HIVEP1: variants seen among roughly 807,000 people sequenced by gnomAD.
HIVEP1 encodes the protein HIVEP zinc finger 1, also known as zinc finger protein 40.
In HIVEP1, 36 loss-of-function variants were observed where a neutral mutation model predicts 180.0. The ratio of observed to expected loss-of-function variants is 0.20; its 90% CI spans 0.15 to 0.26. The LOEUF (loss-of-function observed/expected upper bound fraction) is 0.26. Ranked by LOEUF, HIVEP1 falls within the 10% of genes least tolerant of loss-of-function variation. The pLI is 1.00. For missense variants in HIVEP1, 3,143 were observed against 3,268.7 expected (o/e 0.96, Z 0.94); for synonymous variants, 1,239 against 1,239.0 (o/e 1.00, Z 0.00).
In HIVEP1 at chr6:12,042,228, C is replaced by T. The variant is rs577236984; in HGVS notation, c.40+26560C>T. On this transcript the variant is annotated intron_variant, in intron 2 of 8. Coordinates refer to ENST00000379388, the MANE Select transcript of HIVEP1 (RefSeq NM_002114.4). ...CCGAGTAGCTGGGACTACAGGCGCC[C>T]GCCACCGCGCCTGGCTAATTTTTTT... Among the ~76,000 whole-genome samples, 1,055 of 149,914 alleles carry T rather than the reference C, an allele frequency of 7.0e-3. 11 individuals are homozygous for T. The highest frequency in any genetic ancestry group is 0.01 in the Non-Finnish European group (698 of 67,680).
chr6:12,181,216 C>T, the HIVEP1 span, among the ~76,000 whole-genome samples: 3 of 151,608 alleles, frequency 2.0e-5, no homozygotes, highest in African/African-American at 4.8e-5. Context: ...AAAAATTAGC[C>T]GGGCATGGTG....
chr6:12,162,771 G>A (rs911488282), intron 8 of HIVEP1, among the ~76,000 whole-genome samples: 7 of 152,212 alleles, frequency 4.6e-5, no homozygotes, highest in African/African-American at 1.7e-4. Context: ...AAACTTGCAA[G>A]TGATAGACAA....
At chr6:12,204,292 A>AG in the HIVEP1 span, among the ~76,000 whole-genome samples, 3 of 145,872 alleles carry the variant, frequency 2.1e-5, no homozygotes, top group Admixed American at 2.1e-4. Flanking sequence ...GGCTCAGCCC[A>AG]GTTTTTCATC....
At chr6:12,172,320 T>A in the HIVEP1 span, among the ~76,000 whole-genome samples, 1 of 152,190 alleles carries the variant, frequency 6.6e-6, no homozygotes, top group African/African-American at 2.4e-5. Flanking sequence ...GGTGCTAGAT[T>A]GTTACTGGGA....
At chr6:12,021,895 C>T (rs558009405) in intron 2 of HIVEP1, among the ~76,000 whole-genome samples, 41 of 152,244 alleles carry the variant, frequency 2.7e-4, no homozygotes, top group African/African-American at 9.1e-4. Context: ...GAACTCCTAA[C>T]CTCAAGTGAT....
At chr6:12,206,425 A>T in the HIVEP1 span, among the ~76,000 whole-genome samples, 1 of 152,080 alleles carries the variant, frequency 6.6e-6, no homozygotes, top group African/African-American at 2.4e-5. Flanking sequence ...GTGAGCTACA[A>T]CACCCATCCA....
At position 12,034,844 on chromosome 6, in the gene HIVEP1, G is replaced by A. The variant is rs146890176; in HGVS notation, c.40+19176G>A. On this transcript the variant is annotated intron_variant, in intron 2 of 8. Coordinates refer to ENST00000379388, the MANE Select transcript of HIVEP1 (RefSeq NM_002114.4). ...GTCAAATAGTGTGGTTTCTTGACCT[G>A]GGCGTTGTACCAGGCTGTGTGTGGC... Among the ~76,000 whole-genome samples, 326 of 152,294 alleles carry A rather than the reference G, an allele frequency of 2.1e-3. 3 individuals carry two copies. Among genetic ancestry groups the A allele is most frequent in the East Asian group, 2.1e-3 (11 of 5,186 alleles).
chr6:12,180,686 T>C, the HIVEP1 span, among the ~76,000 whole-genome samples: 1 of 152,238 alleles, frequency 6.6e-6, no homozygotes, highest in East Asian at 1.9e-4. Context: ...TTAGGCCACC[T>C]TCTGGGCTTA....
At chr6:12,191,789 C>A in the HIVEP1 span, among the ~76,000 whole-genome samples, 1 of 152,174 alleles carries the variant, frequency 6.6e-6, no homozygotes, top group Non-Finnish European at 1.5e-5. Flanking sequence ...TTTTAAACTA[C>A]TTTCCTAAAT....
intron 2 of HIVEP1, among the ~76,000 whole-genome samples, chr6:12,050,138 C>T (rs1340848294): frequency 2.0e-5 from 3 of 152,112 alleles, no homozygotes; most frequent in Non-Finnish European, 2.9e-5. Flanking sequence ...GCACCTACTC[C>T]GCCAGCCCAG....
chr6:12,065,685 G>GTT (rs1771524110), intron 2 of HIVEP1, among the ~76,000 whole-genome samples: 1 of 67,734 alleles, frequency 1.5e-5, no homozygotes. Context: ...GTGTGTGTGT[G>GTT]TGTGTGCGTG....
At position 12,015,568 on chromosome 6, in the gene HIVEP1, T is replaced by G; in HGVS notation, c.-61T>G. ...GTATGTTGAGTTTATGGAGCTGCCT[T>G]TTGGTGGCTTGCTTTATCTGCAGTT... On this transcript the variant is annotated 5_prime_UTR_variant, in exon 2 of 9. Transcript: ENST00000379388. 7.0e-7 allele frequency: 1 copy of G among 1,418,576 alleles called. No homozygotes were observed. Among genetic ancestry groups the G allele is most frequent in the South Asian group, 1.2e-5 (1 of 85,006 alleles). The allele number at this position is 1,418,576 out of a possible 1,614,324, so 87.9% of individuals were successfully genotyped here. A position where few individuals can be genotyped will look rare whatever the true frequency, so the allele number is the denominator to read the frequency against.
chr6:12,108,144 GTAGC>G (rs1453405000), intron 3 of HIVEP1, among the ~76,000 whole-genome samples: 1 of 151,840 alleles, frequency 6.6e-6, no homozygotes, highest in Non-Finnish European at 1.5e-5. Context: ...CCCCACCAGA[GTAGC>G]TAGATACAGA....
At position 12,161,795 on chromosome 6, in the gene HIVEP1, G is replaced by T; in HGVS notation, c.6844G>T (p.Ala2282Ser). The change falls in exon 8 of 9, where the codon GCG becomes TCG. Residue 2282 changes from alanine (A) to serine (S), a missense_variant. Around this residue, in one of 12 missense-constraint regions of HIVEP1, gnomAD observed 595 missense variants for 602.2 expected, o/e 0.99. Coordinates refer to ENST00000379388, the MANE Select transcript of HIVEP1 (RefSeq NM_002114.4). ...TCCGGGGAAGGCCAGGCAGCGTGCT[G>T]CGAGAGATGAAAACGACACAATTCC... ...LSPGKARQRA[A>S]RDENDTIPSV... 6.2e-7 allele frequency: 1 copy of T among 1,614,214 alleles called. No individual in the cohort carries two copies. The highest frequency in any genetic ancestry group is 8.5e-7 in the Non-Finnish European group (1 of 1,180,034).
At chr6:12,037,158 G>A (rs76254423) in intron 2 of HIVEP1, among the ~76,000 whole-genome samples, 172 of 152,326 alleles carry the variant, frequency 1.1e-3, no homozygotes, top group African/African-American at 4.0e-3. Context: ...GTTGAGGCCC[G>A]GGTCTTGGAG....
chr6:12,115,805 G>T (rs1775178736), intron 3 of HIVEP1, among the ~76,000 whole-genome samples: 1 of 151,932 alleles, frequency 6.6e-6, no homozygotes, highest in African/African-American at 2.4e-5. Flanking sequence ...TGGAATCAGG[G>T]TGGTGAATAG....
upstream of HIVEP1, among the ~76,000 whole-genome samples, chr6:12,011,287 CTCCCCCTCCCCCATTCTG>C (rs1767279586): frequency 9.5e-6 from 1 of 105,356 alleles, no homozygotes; most frequent in African/African-American, 3.7e-5. Context: ...CCCCCCCCGC[CTCCCCCTCCCCCATTCTG>C]CCCGGGCGAG....
chr6:12,197,009 G>T, the HIVEP1 span, among the ~76,000 whole-genome samples: 5 of 152,172 alleles, frequency 3.3e-5, no homozygotes, highest in Non-Finnish European at 5.9e-5. Flanking sequence ...AAAGATGGAG[G>T]TAGTAAGTAA....
chr6:12,031,425 C>A (rs939101384), intron 2 of HIVEP1, among the ~76,000 whole-genome samples: 1 of 152,176 alleles, frequency 6.6e-6, no homozygotes, highest in African/African-American at 2.4e-5. Flanking sequence ...CTAGTAAGTC[C>A]CTGGCTAGTC....
Sources: allele counts gnomAD v4.1 joint callset (sites outside exome capture counted in the v4.1 genomes callset), GRCh38; gene constraint gnomAD v4.1.1; regional missense constraint gnomAD v4.1.1; transcripts MANE v1.5; gene names NCBI Gene and HGNC (gene_info 2026-07-23, HGNC 2026-07-21).